Variants in CAMKMT observed in about 807,000 individuals in gnomAD.
CAMKMT encodes the protein CaM KMT.
CAMKMT carries 53 observed loss-of-function variants against 48.0 expected under a neutral mutation model. That is an observed-to-expected ratio of 1.10 (90% CI 0.89 to 1.39). The LOEUF is 1.39. Ranked by LOEUF, CAMKMT falls within the 40% of genes most tolerant of loss-of-function variation. CAMKMT has a pLI of 0.00. For missense variants in CAMKMT, 428 were observed against 402.7 expected (o/e 1.06, Z -0.54); for synonymous variants, 165 against 152.3 (o/e 1.08, Z -0.61).
intron 3 of CAMKMT, among the ~76,000 whole-genome samples, chr2:44,592,928 T>C (rs1670394887): frequency 6.6e-6 from 1 of 152,200 alleles, no homozygotes; most frequent in South Asian, 2.1e-4. Flanking sequence ...GTCAATTAAG[T>C]TGGTTGGTAA....
intron 3 of CAMKMT, among the ~76,000 whole-genome samples, chr2:44,429,164 G>C (rs1287515711): frequency 6.6e-6 from 1 of 152,028 alleles, no homozygotes; most frequent in Non-Finnish European, 1.5e-5. Context: ...ATCTCACTTA[G>C]ACTCAAACTG....
intron 3 of CAMKMT, among the ~76,000 whole-genome samples, chr2:44,528,154 T>C (rs1261584574): frequency 6.6e-6 from 1 of 152,196 alleles, no homozygotes; most frequent in African/African-American, 2.4e-5. Flanking sequence ...CCTTTCTTTC[T>C]TTTGTTGATT....
chr2:44,510,425 G>C (rs1247201493), intron 3 of CAMKMT, among the ~76,000 whole-genome samples: 2 of 152,102 alleles, frequency 1.3e-5, no homozygotes, highest in Non-Finnish European at 2.9e-5. Flanking sequence ...TCATACTGGG[G>C]CTACATGATT....
intron 3 of CAMKMT, among the ~76,000 whole-genome samples, chr2:44,673,088 T>C (rs543008549): frequency 1.3e-5 from 2 of 152,266 alleles, no homozygotes; most frequent in African/African-American, 4.8e-5. Context: ...ATTTTTTTAA[T>C]TGGCACTACG....
intron 1 of CAMKMT, among the ~76,000 whole-genome samples, chr2:44,366,769 T>G (rs1678638151): frequency 1.3e-5 from 2 of 152,112 alleles, no homozygotes; most frequent in African/African-American, 4.8e-5. Flanking sequence ...TCATCCAGGC[T>G]GAAGTGCAGC....
At chr2:44,612,230 T>C (rs1418284404) in intron 3 of CAMKMT, among the ~76,000 whole-genome samples, 1 of 152,172 alleles carries the variant, frequency 6.6e-6, no homozygotes, top group African/African-American at 2.4e-5. Context: ...AGAAAGTTAA[T>C]TTATGGGAAT....
At chr2:44,423,432 C>T (rs1684063812) in intron 3 of CAMKMT, among the ~76,000 whole-genome samples, 3 of 152,116 alleles carry the variant, frequency 2.0e-5, no homozygotes, top group Non-Finnish European at 4.4e-5. Context: ...CACCTGCCTG[C>T]CTTGGCCTCC....
At chr2:44,742,965 A>C (rs1469633378) in intron 7 of CAMKMT, among the ~76,000 whole-genome samples, 1 of 152,246 alleles carries the variant, frequency 6.6e-6, no homozygotes, top group East Asian at 1.9e-4. Flanking sequence ...CACAGTTATT[A>C]ATTGAGAGTA....
intron 3 of CAMKMT, among the ~76,000 whole-genome samples, chr2:44,397,852 A>G (rs1682001096): frequency 6.6e-6 from 1 of 152,192 alleles, no homozygotes; most frequent in Non-Finnish European, 1.5e-5. Flanking sequence ...TAAACCCTAT[A>G]ATCCTTTGTA....
chr2:44,440,996 C>G (rs764850951), intron 3 of CAMKMT, among the ~76,000 whole-genome samples: 6 of 152,150 alleles, frequency 3.9e-5, no homozygotes, highest in Non-Finnish European at 7.4e-5. Flanking sequence ...AATTCCACAT[C>G]ATGAAATGAA....
intron 3 of CAMKMT, among the ~76,000 whole-genome samples, chr2:44,693,578 T>G (rs982727872): frequency 6.6e-6 from 1 of 152,198 alleles, no homozygotes; most frequent in African/African-American, 2.4e-5. Flanking sequence ...CCATGCTATC[T>G]CCATCCCTGT....
chr2:44,400,092 A>G (rs1287786975), intron 3 of CAMKMT, among the ~76,000 whole-genome samples: 1 of 152,186 alleles, frequency 6.6e-6, no homozygotes, highest in East Asian at 1.9e-4. Flanking sequence ...TTGAATCCCA[A>G]GTCATACCCA....
intron 2 of CAMKMT, among the ~76,000 whole-genome samples, chr2:44,389,325 T>C (rs1681091554): frequency 6.6e-6 from 1 of 152,138 alleles, no homozygotes; most frequent in Non-Finnish European, 1.5e-5. Context: ...ATAGTCACCT[T>C]TCGAGGTACC....
intron 3 of CAMKMT, among the ~76,000 whole-genome samples, chr2:44,542,338 A>C (rs144943678): frequency 3.3e-4 from 51 of 152,260 alleles, no homozygotes; most frequent in African/African-American, 1.2e-3. Context: ...CCCAAAAATC[A>C]ACTGGAAAAT....
chr2:44,550,639 G>C (rs1667657520), intron 3 of CAMKMT: 1 of 152,122 alleles, frequency 6.6e-6, no homozygotes, highest in Non-Finnish European at 1.5e-5. Context: ...TGTGGTGTGA[G>C]AGAAGTCAGT....
At chr2:44,630,418 C>T (rs1672745735) in intron 3 of CAMKMT, among the ~76,000 whole-genome samples, 1 of 150,726 alleles carries the variant, frequency 6.6e-6, no homozygotes, top group African/African-American at 2.4e-5. Context: ...AACTAAAGAG[C>T]TTCTGCACAG....
intron 8 of CAMKMT, among the ~76,000 whole-genome samples, chr2:44,744,332 A>G (rs139824385): frequency 6.6e-6 from 1 of 152,328 alleles, no homozygotes; most frequent in East Asian, 1.9e-4. Context: ...AAAATAATTT[A>G]CATTCGGTAT....
Position 44,361,954 on chromosome 2 carries a change from G to A in CAMKMT, c.-54G>A. On this transcript the variant is annotated 5_prime_UTR_variant, in exon 1 of 11. Coordinates refer to ENST00000378494, the MANE Select transcript of CAMKMT (RefSeq NM_024766.5). Reference sequence around the variant, plus strand: ...GACAGGGAAGAAGTTGGCAGGTCCTGGCAGGGGACGAGCTGCGGCGGTGGC... The same window carrying A: ...GACAGGGAAGAAGTTGGCAGGTCCTAGCAGGGGACGAGCTGCGGCGGTGGC... The A allele has an allele frequency of 7.3e-7, 1 of 1,361,978 alleles. No homozygotes were observed. 84.4% of individuals were successfully genotyped at this position (1,361,978 alleles called of 1,614,324 possible). A position where few individuals can be genotyped will look rare whatever the true frequency, so the allele number is the denominator to read the frequency against.
At chr2:44,370,058 A>G (rs552327882) in intron 1 of CAMKMT, 2 of 152,196 alleles carry the variant, frequency 1.3e-5, no homozygotes, top group South Asian at 2.1e-4. Flanking sequence ...CATATTCTCT[A>G]CAAGCAGAGG....
Sources: allele counts gnomAD v4.1 joint callset (sites outside exome capture counted in the v4.1 genomes callset), GRCh38; gene constraint gnomAD v4.1.1; transcripts MANE v1.5; gene names NCBI Gene and HGNC (gene_info 2026-07-23, HGNC 2026-07-21).